DAB1: variants seen among roughly 807,000 people sequenced by gnomAD.
DAB1 encodes DAB adaptor protein 1, also known as disabled homolog 1.
A neutral mutation model predicts 64.6 loss-of-function variants in DAB1; 15 were observed. That is an observed-to-expected ratio of 0.23 (90% CI 0.16 to 0.36). DAB1 has a LOEUF of 0.36. Among genes scored for constraint, DAB1 ranks in the 10% least tolerant of loss-of-function variants. DAB1 has a pLI of 1.00. For synonymous variants in DAB1, 235 were observed against 251.9 expected (o/e 0.93, Z 0.64); for missense variants, 596 against 706.7 (o/e 0.84, Z 1.78).
intron 6 of DAB1, among the ~76,000 whole-genome samples, chr1:57,666,206 A>AAT (rs140358744): frequency 0.022 from 3,354 of 152,264 alleles, 115 homozygotes; most frequent in African/African-American, 0.076. Context: ...CATGCAAGGA[A>AAT]ATAAGAAGAT....
intron 3 of DAB1, among the ~76,000 whole-genome samples, chr1:58,458,066 C>T (rs151204744): frequency 1.0e-3 from 155 of 152,362 alleles, no homozygotes; most frequent in African/African-American, 3.5e-3. Context: ...GGCATGTCCC[C>T]TGTCTTCCCG....
chr1:58,314,087 A>ATT (rs1382838971), intron 4 of DAB1, among the ~76,000 whole-genome samples: 1 of 152,160 alleles, frequency 6.6e-6, no homozygotes, highest in African/African-American at 2.4e-5. Context: ...TTATCTGGTT[A>ATT]TTGCTCAGTC....
intron 4 of DAB1, among the ~76,000 whole-genome samples, chr1:57,135,921 C>T (rs1404077690): frequency 6.6e-6 from 1 of 152,062 alleles, no homozygotes; most frequent in African/African-American, 2.4e-5. Context: ...TTTCTATTTT[C>T]CTCTTACCCC....
chr1:57,366,318 T>G (rs1679991205), intron 1 of DAB1, among the ~76,000 whole-genome samples: 2 of 152,242 alleles, frequency 1.3e-5, no homozygotes, highest in African/African-American at 4.8e-5. Flanking sequence ...TTATTCTTAA[T>G]TATGTAGTAA....
chr1:58,385,510 C>T (rs1644425896), intron 3 of DAB1, among the ~76,000 whole-genome samples: 1 of 152,194 alleles, frequency 6.6e-6, no homozygotes, highest in South Asian at 2.1e-4. Flanking sequence ...CCAAGACCTC[C>T]TGAAGAGATT....
chr1:57,316,953 T>C (rs1272999289), intron 1 of DAB1, among the ~76,000 whole-genome samples: 1 of 152,184 alleles, frequency 6.6e-6, no homozygotes, highest in Non-Finnish European at 1.5e-5. Context: ...TGTAAGCAAG[T>C]ATGCTTATTT....
intron 2 of DAB1, among the ~76,000 whole-genome samples, chr1:57,243,400 AC>A (rs1214372572): frequency 6.6e-6 from 1 of 152,006 alleles, no homozygotes; most frequent in African/African-American, 2.4e-5. Flanking sequence ...TTTTCCCAAT[AC>A]TTTTTGCCCC....
chr1:58,489,218 C>T (rs1466915478), intron 3 of DAB1, among the ~76,000 whole-genome samples: 1 of 152,174 alleles, frequency 6.6e-6, no homozygotes, highest in Non-Finnish European at 1.5e-5. Flanking sequence ...ACAGACGGCA[C>T]CTGGAAAATT....
At chr1:58,509,632 C>T (rs573599757) in intron 2 of DAB1, among the ~76,000 whole-genome samples, 1 of 134,132 alleles carries the variant, frequency 7.5e-6, no homozygotes, top group African/African-American at 2.7e-5. Flanking sequence ...CCAAAGTTTA[C>T]AGAAGGAGGG....
intron 4 of DAB1, among the ~76,000 whole-genome samples, chr1:58,294,383 A>G (rs1661920318): frequency 6.6e-6 from 1 of 152,164 alleles, no homozygotes; most frequent in Non-Finnish European, 1.5e-5. Flanking sequence ...CAACTCCTAC[A>G]TGCTTCTATT....
chr1:57,172,048 C>A (rs1481264953), intron 2 of DAB1, among the ~76,000 whole-genome samples: 1 of 152,148 alleles, frequency 6.6e-6, no homozygotes, highest in African/African-American at 2.4e-5. Flanking sequence ...GGGTAGCTGG[C>A]AATCTTGGCA....
intron 3 of DAB1, among the ~76,000 whole-genome samples, chr1:58,461,135 G>A (rs1338326276): frequency 1.3e-5 from 2 of 152,126 alleles, no homozygotes; most frequent in Admixed American, 1.3e-4. Flanking sequence ...TCTTCCATTA[G>A]TAAATTATTT....
chr1:57,233,802 G>C lies in DAB1; in HGVS notation c.67+57162C>G, dbSNP rs1022253241. Among the ~76,000 whole-genome samples the C allele has an allele frequency of 3.3e-5, 5 of 152,060 alleles. No homozygotes were observed. The East Asian group carries it at 9.8e-4, about 30-fold the overall frequency. ...AAAATAAACCTGCTGCCAGGTGAGT[G>C]GTACGGCTTCCTCTGCAAACTGAGA... is the stretch of plus-strand genomic sequence containing the variant. On this transcript the variant is annotated intron_variant, in intron 2 of 14. Transcript: ENST00000371236.
Position 58,379,015 on chromosome 1 carries a change from G to A in DAB1, n.258-35612C>T, listed in dbSNP as rs1644362205. 2.7e-5 allele frequency among the ~76,000 whole-genome samples: 4 copies of A among 150,624 alleles called. No individual in the cohort carries two copies. The South Asian group carries it at 6.4e-4, about 24-fold the overall frequency. On this transcript the variant is annotated intron_variant and non_coding_transcript_variant, in intron 3 of 20. Coordinates refer to the DAB1 transcript ENST00000485760. ...TGACCCCTTGCGCTTCCCAGGTGAGGCAATGCCTCGCCCTGCTTCGGCTCG... is the reference window on the plus strand; with the variant it reads ...TGACCCCTTGCGCTTCCCAGGTGAGACAATGCCTCGCCCTGCTTCGGCTCG...
intron 14 of DAB1, among the ~76,000 whole-genome samples, chr1:57,010,327 C>T (rs1646225557): frequency 6.6e-6 from 1 of 152,124 alleles, no homozygotes; most frequent in South Asian, 2.1e-4. Flanking sequence ...CACCACCAAC[C>T]ACGCAGAACA....
intron 5 of DAB1, among the ~76,000 whole-genome samples, chr1:57,931,856 C>T (rs1360483221): frequency 2.0e-5 from 3 of 151,922 alleles, no homozygotes; most frequent in African/African-American, 4.8e-5. Flanking sequence ...TGGATTCCTG[C>T]TCTTATTGTT....
intron 13 of DAB1, 93 bp downstream of exon 13, chr1:57,011,052 T>C: frequency 6.0e-6 from 9 of 1,503,264 alleles, no homozygotes; most frequent in Non-Finnish European, 8.2e-6. Context: ...CAGCATTCTT[T>C]TCTATGTAGG....
At chr1:57,027,605 C>T (rs1646834718) in intron 9 of DAB1, among the ~76,000 whole-genome samples, 1 of 152,174 alleles carries the variant, frequency 6.6e-6, no homozygotes, top group African/African-American at 2.4e-5. Flanking sequence ...TGCAACTCCT[C>T]AGAATTACAG....
chr1:57,035,217 T>C (rs1248649626), intron 9 of DAB1, among the ~76,000 whole-genome samples: 2 of 152,230 alleles, frequency 1.3e-5, no homozygotes, highest in Non-Finnish European at 1.5e-5. Context: ...CTCCTAGCAA[T>C]TTATGGCAGA....
Sources: gnomAD v4.1 joint callset for allele counts (sites outside exome capture counted in the v4.1 genomes callset) on GRCh38, gnomAD v4.1.1 for gene constraint, MANE v1.5 for transcripts, NCBI Gene and HGNC (gene_info 2026-07-23, HGNC 2026-07-21) for gene names.